The following LINGO2 variants were observed in gnomAD, a reference collection of about 807,000 sequenced individuals.
LINGO2 encodes leucine rich repeat and Ig domain containing 2.
Under a neutral mutation model 30.6 loss-of-function variants are expected in LINGO2, and 14 were observed. The ratio of observed to expected loss-of-function variants is 0.46; its 90% CI spans 0.30 to 0.72. The LOEUF is 0.72. LINGO2 is among the 30% of genes least tolerant of loss of function. LINGO2 has a pLI of 0.07. For missense variants in LINGO2, 729 were observed against 751.7 expected (o/e 0.97, Z 0.35); for synonymous variants, 317 against 288.5 (o/e 1.10, Z -1.00).
the LINGO2 span, among the ~76,000 whole-genome samples, chr9:29,211,536 A>C: frequency 6.6e-6 from 1 of 151,822 alleles, no homozygotes; most frequent in Non-Finnish European, 1.5e-5. Context: ...TCTGATGCTC[A>C]GACCATGACT....
At chr9:28,400,511 C>A (rs1822219281) in intron 2 of LINGO2, among the ~76,000 whole-genome samples, 1 of 152,182 alleles carries the variant, frequency 6.6e-6, no homozygotes, top group South Asian at 2.1e-4. Context: ...ACCAGTATAT[C>A]ACTGGTTTAA....
chr9:28,800,304 C>T, the LINGO2 span, among the ~76,000 whole-genome samples: 1 of 152,144 alleles, frequency 6.6e-6, no homozygotes, highest in Admixed American at 6.6e-5. Flanking sequence ...AGAAATGTTT[C>T]TATTTTTTGG....
chr9:28,504,156 C>T (rs143111304), intron 1 of LINGO2, among the ~76,000 whole-genome samples: 372 of 151,828 alleles, frequency 2.5e-3, no homozygotes, highest in African/African-American at 8.7e-3. Flanking sequence ...TTCATTAATT[C>T]CTCAACTTCA....
At chr9:28,553,083 C>G (rs981097437) in intron 1 of LINGO2, among the ~76,000 whole-genome samples, 2 of 151,982 alleles carry the variant, frequency 1.3e-5, no homozygotes, top group Non-Finnish European at 2.9e-5. Flanking sequence ...GCTATAAAAG[C>G]AGAGCACCTC....
At chr9:28,922,830 G>A in the LINGO2 span, among the ~76,000 whole-genome samples, 5 of 152,102 alleles carry the variant, frequency 3.3e-5, no homozygotes, top group African/African-American at 7.2e-5. Flanking sequence ...CAGAAGCTGC[G>A]AATGTTATAT....
At chr9:29,006,695 G>A in the LINGO2 span, among the ~76,000 whole-genome samples, 1 of 151,992 alleles carries the variant, frequency 6.6e-6, no homozygotes, top group Non-Finnish European at 1.5e-5. Flanking sequence ...GTAAACACGG[G>A]TTTCCTTAAC....
chr9:28,195,895 ATAAGT>A (rs1329467926), intron 4 of LINGO2, among the ~76,000 whole-genome samples: 1 of 151,856 alleles, frequency 6.6e-6, no homozygotes, highest in African/African-American at 2.4e-5. Flanking sequence ...AAGGTTCTAT[ATAAGT>A]TATCAGCAAA....
chr9:28,412,532 C>T (rs1352627220), intron 2 of LINGO2, among the ~76,000 whole-genome samples: 2 of 152,016 alleles, frequency 1.3e-5, no homozygotes, highest in African/African-American at 2.4e-5. Context: ...TCTAAAGTTT[C>T]TTCCCAAATC....
At chr9:28,531,082 A>G (rs1305843192) in intron 1 of LINGO2, among the ~76,000 whole-genome samples, 3 of 149,080 alleles carry the variant, frequency 2.0e-5, no homozygotes, top group Admixed American at 6.7e-5. Context: ...AAAATTCCAA[A>G]TTAATAAGAC....
At chr9:29,141,348 A>C in the LINGO2 span, among the ~76,000 whole-genome samples, 1 of 151,974 alleles carries the variant, frequency 6.6e-6, no homozygotes, top group Admixed American at 6.6e-5. Context: ...ATCAGCTTAA[A>C]AGAGTTATAA....
At chr9:28,186,303 T>G (rs575299238) in intron 4 of LINGO2, among the ~76,000 whole-genome samples, 6 of 152,254 alleles carry the variant, frequency 3.9e-5, no homozygotes, top group South Asian at 4.1e-4. Flanking sequence ...TCAATGATAC[T>G]ACGAGGTACA....
At chr9:28,280,714 A>G (rs1823290974) in intron 4 of LINGO2, among the ~76,000 whole-genome samples, 1 of 152,138 alleles carries the variant, frequency 6.6e-6, no homozygotes, top group Non-Finnish European at 1.5e-5. Context: ...GTAAGTACTC[A>G]TGGTACTGTT....
At chr9:28,707,793 A>G in the LINGO2 span, among the ~76,000 whole-genome samples, 1 of 152,084 alleles carries the variant, frequency 6.6e-6, no homozygotes, top group Non-Finnish European at 1.5e-5. Flanking sequence ...GAAGTAGTGT[A>G]ATAAAAACCA....
At chr9:28,150,832 G>A (rs1464088146) in intron 4 of LINGO2, among the ~76,000 whole-genome samples, 2 of 152,118 alleles carry the variant, frequency 1.3e-5, no homozygotes, top group East Asian at 1.9e-4. Context: ...GCTCCGTGGC[G>A]GTCGCCATAG....
chr9:28,129,038 A>AT lies in LINGO2; in HGVS notation c.-86-116634dup, dbSNP rs1315909689. Reference sequence around the variant, plus strand: ...TGCTCTATGCTTCCTGGCCTGAAACATCAGACTCCAAGTTCTTTGACTTTC... The same window carrying AT: ...TGCTCTATGCTTCCTGGCCTGAAACATTCAGACTCCAAGTTCTTTGACTTTC... On this transcript the variant is annotated intron_variant, in intron 4 of 5. Transcript: ENST00000379992. This position sits in a 1 kb window ranked among gnomAD's most constrained non-coding sequence, Gnocchi z 4.0. 6.6e-6 allele frequency among the ~76,000 whole-genome samples: 1 copy of AT among 152,132 alleles called. No individual in the cohort carries two copies. The highest frequency in any genetic ancestry group is 2.4e-5 in the African/African-American group (1 of 41,426).
chr9:28,091,408 C>G (rs191764207), intron 4 of LINGO2, among the ~76,000 whole-genome samples: 2 of 152,256 alleles, frequency 1.3e-5, no homozygotes, highest in East Asian at 3.9e-4. Flanking sequence ...ACATCTACAA[C>G]CATCTGATAT....
chr9:29,043,748 T>C, the LINGO2 span, among the ~76,000 whole-genome samples: 12 of 152,126 alleles, frequency 7.9e-5, no homozygotes, highest in Admixed American at 3.3e-4. Context: ...ATTACTTCTA[T>C]AGAAACATAA....
At chr9:28,762,879 GA>G in the LINGO2 span, among the ~76,000 whole-genome samples, 1 of 151,974 alleles carries the variant, frequency 6.6e-6, no homozygotes, top group Non-Finnish European at 1.5e-5. Context: ...AGGAAGAAAG[GA>G]AGGAAAGAAG....
At chr9:28,958,079 T>C in the LINGO2 span, among the ~76,000 whole-genome samples, 1 of 152,174 alleles carries the variant, frequency 6.6e-6, no homozygotes, top group Non-Finnish European at 1.5e-5. Flanking sequence ...TTATTAATGA[T>C]GCTCCTTCAT....
Sources: gnomAD v4.1 joint callset for allele counts (sites outside exome capture counted in the v4.1 genomes callset) on GRCh38, gnomAD v4.1.1 for gene constraint, Gnocchi (gnomAD v3.1) non-coding constraint, MANE v1.5 for transcripts, NCBI Gene and HGNC (gene_info 2026-07-23, HGNC 2026-07-21) for gene names.